ALDH7A1: variants seen among roughly 807,000 people sequenced by gnomAD.
ALDH7A1 encodes aldehyde dehydrogenase 7 family member A1.
ALDH7A1 carries 63 observed loss-of-function variants against 79.9 expected under a neutral mutation model. That is an observed-to-expected ratio of 0.79 (90% CI 0.64 to 0.97). The LOEUF (loss-of-function observed/expected upper bound fraction) is 0.97, where lower values mean the gene tolerates loss of function less well. ALDH7A1 is among the 50% of genes least tolerant of loss of function. The pLI, the probability that ALDH7A1 is intolerant of heterozygous loss-of-function variation, is 0.00. For missense variants in ALDH7A1, 627 were observed against 665.2 expected (o/e 0.94, Z 0.63); for synonymous variants, 240 against 231.2 (o/e 1.04, Z -0.34).
intron 5 of ALDH7A1, among the ~76,000 whole-genome samples, chr5:126,578,406 A>T (rs182108266): frequency 8.1e-4 from 123 of 152,314 alleles, no homozygotes; most frequent in Non-Finnish European, 1.4e-3. Flanking sequence ...GCACTTTGGG[A>T]TGCTGGGACG....
chr5:126,545,205 AAGAC>A (rs1189836817), intron 17 of ALDH7A1, among the ~76,000 whole-genome samples, 186 bp from the exon 18 acceptor site: 8 of 152,174 alleles, frequency 5.3e-5, no homozygotes, highest in Non-Finnish European at 7.3e-5. Context: ...TAAAAGAAAA[AAGAC>A]AGAAACATAA....
chr5:126,568,792 T>C (rs191495342), intron 8 of ALDH7A1: 34 of 224,626 alleles, frequency 1.5e-4, no homozygotes, highest in Non-Finnish European at 2.7e-4. Context: ...ATTAGCCAGG[T>C]GTGGAGGCAT....
chr5:126,565,773 G>A (rs999702140), intron 9 of ALDH7A1, among the ~76,000 whole-genome samples: 4 of 152,186 alleles, frequency 2.6e-5, no homozygotes, highest in Admixed American at 2.6e-4. Context: ...CATAGGAGAT[G>A]TAGTAGGGGC....
At position 126,554,399 on chromosome 5, in the gene ALDH7A1, G is replaced by A. The variant is rs1222190381; in HGVS notation, c.1094-6C>T. ...TGGCCCATAGAGAACATTAGCTGGAGAGAGAAAAGGAAGGCTGGCTCATCA... is the reference window on the plus strand; with the variant it reads ...TGGCCCATAGAGAACATTAGCTGGAAAGAGAAAAGGAAGGCTGGCTCATCA... On this transcript the variant is annotated splice_region_variant and splice_polypyrimidine_tract_variant and intron_variant, in intron 12 of 17. Coordinates refer to ENST00000409134, the MANE Select transcript of ALDH7A1 (RefSeq NM_001182.5). The A allele has an allele frequency of 2.5e-6, 4 of 1,612,714 alleles. No homozygotes were observed. The highest frequency in any genetic ancestry group is 1.3e-5 in the African/African-American group (1 of 74,898).
chr5:126,564,668 A>C, intron 9 of ALDH7A1: 2 of 700,392 alleles, frequency 2.9e-6, no homozygotes, highest in Non-Finnish European at 4.1e-6. Context: ...CAAATGCTAC[A>C]CCAACTCTAG....
chr5:126,562,682 T>C (rs1274455457), intron 9 of ALDH7A1, among the ~76,000 whole-genome samples: 1 of 152,050 alleles, frequency 6.6e-6, no homozygotes, highest in East Asian at 1.9e-4. Flanking sequence ...ACCCTGTCTC[T>C]ACTAAAAACA....
chr5:126,575,326 T>C (rs1236444549), intron 7 of ALDH7A1, 94 bp downstream of exon 7: 2 of 1,191,866 alleles, frequency 1.7e-6, no homozygotes, highest in Admixed American at 2.0e-5. Context: ...TTCCATGCTA[T>C]GTGACTCTGA....
chr5:126,565,266 G>T (rs957627986), intron 9 of ALDH7A1, among the ~76,000 whole-genome samples: 1 of 150,430 alleles, frequency 6.6e-6, no homozygotes, highest in Non-Finnish European at 1.5e-5. Context: ...GGTGGCGCAT[G>T]CCTGTAATCC....
intron 9 of ALDH7A1, chr5:126,561,376 T>C (rs1750397836): frequency 3.7e-6 from 1 of 270,148 alleles, no homozygotes; most frequent in African/African-American, 2.2e-5. Context: ...ACTGTGGTTA[T>C]ACAAGAAAAT....
chr5:126,554,868 G>A (rs981248050), intron 12 of ALDH7A1: 10 of 236,328 alleles, frequency 4.2e-5, no homozygotes, highest in Non-Finnish European at 8.3e-6. Context: ...CCTATGTTAC[G>A]GCTGCTGGGG....
rs1189728276 is a variant in ALDH7A1 at position 126,543,596 on chromosome 5, T to C, written c.*1369A>G. The C allele has an allele frequency of 6.6e-6, 1 of 152,216 alleles. No homozygotes were observed. The highest frequency in any genetic ancestry group is 1.5e-5 in the Non-Finnish European group (1 of 68,044). The allele number at this position is 152,216 out of a possible 1,614,324, so 9.4% of individuals were successfully genotyped here. A position where few individuals can be genotyped will look rare whatever the true frequency, so the allele number is the denominator to read the frequency against. The stretch of plus-strand genomic sequence containing the variant: ...CTCTGGGCCATAATTCAACCCCAAA[T>C]TATTTGCCATTTGTCCAGATCTCTC... On this transcript the variant is annotated 3_prime_UTR_variant, in exon 18 of 18. Coordinates refer to ENST00000409134, the MANE Select transcript of ALDH7A1 (RefSeq NM_001182.5).
intron 4 of ALDH7A1, 55 bp downstream of exon 4, chr5:126,583,877 T>G: frequency 7.2e-7 from 1 of 1,396,452 alleles, no homozygotes; most frequent in Non-Finnish European, 1.0e-6. Context: ...TAGAAAAGCA[T>G]GACAGCCTTA....
At chr5:126,590,978 T>C (rs1240646474) in intron 3 of ALDH7A1, among the ~76,000 whole-genome samples, 1 of 151,746 alleles carries the variant, frequency 6.6e-6, no homozygotes, top group African/African-American at 2.4e-5. Flanking sequence ...TATATGGATG[T>C]ACAATAATCA....
rs754864309 is a variant in ALDH7A1 at position 126,593,441 on chromosome 5, G to A, written c.193-37C>T. ...AGGATGATGATCATGTATAGAAAAC[G>A]TAATCCCTTTTGAAGTAAGGGAATA... On this transcript the variant is annotated intron_variant, in intron 1 of 17. Coordinates refer to ENST00000409134, the MANE Select transcript of ALDH7A1 (RefSeq NM_001182.5). 22 of 1,612,864 alleles carry A rather than the reference G, an allele frequency of 1.4e-5. No individual in the cohort carries two copies. In the East Asian group the frequency reaches 1.6e-4, roughly 11 times the overall value.
chr5:126,580,466 G>A (rs1751135562), intron 5 of ALDH7A1, among the ~76,000 whole-genome samples: 1 of 151,966 alleles, frequency 6.6e-6, no homozygotes, highest in Non-Finnish European at 1.5e-5. Flanking sequence ...ATTGGATAAT[G>A]GGAATCATTG....
In ALDH7A1 at chr5:126,561,114, C is replaced by G. The variant is rs751053781; in HGVS notation, c.882G>C (p.Leu294=). ...TGGCATTGTTTCCTCCAAGTTCCAA[C>G]AGACTTCTCCCTTAAAAGAAAAAAA... The part of the protein sequence containing the change: ...LMVQERFGRS[L]LELGGNNAII... The change falls in exon 10 of 18, where the codon CTG becomes CTC. Residue 294 remains leucine, a synonymous_variant. Transcript: ENST00000409134. The G allele has an allele frequency of 1.1e-5, 17 of 1,611,910 alleles. No individual in the cohort carries two copies. The Admixed American group carries it at 2.8e-4, about 27-fold the overall frequency.
intron 7 of ALDH7A1, among the ~76,000 whole-genome samples, chr5:126,575,060 T>G (rs564574081): frequency 1.3e-5 from 2 of 152,208 alleles, no homozygotes; most frequent in Non-Finnish European, 2.9e-5. Flanking sequence ...GCAACAAAAG[T>G]ATTAGCTAGA....
At chr5:126,594,872 C>A in intron 1 of ALDH7A1, 135 bp downstream of exon 1, 1 of 1,260,172 alleles carries the variant, frequency 7.9e-7, no homozygotes, top group Non-Finnish European at 1.1e-6. Context: ...CACGAGAAAA[C>A]TTTTACTGTG....
At chr5:126,553,239 A>C (rs1750064808) in intron 13 of ALDH7A1, 1 of 152,180 alleles carries the variant, frequency 6.6e-6, no homozygotes, top group African/African-American at 2.4e-5. Flanking sequence ...CGTTTCTTCT[A>C]TGTCCTTCCA....
Sources: allele counts gnomAD v4.1 joint callset (sites outside exome capture counted in the v4.1 genomes callset), GRCh38; gene constraint gnomAD v4.1.1; transcripts MANE v1.5; gene names NCBI Gene and HGNC (gene_info 2026-07-23, HGNC 2026-07-21).